Variants in HCK observed in about 807,000 individuals in gnomAD.
The protein encoded by HCK is HCK proto-oncogene, Src family tyrosine kinase, also known as tyrosine-protein kinase HCK.
Under a neutral mutation model 70.4 loss-of-function variants are expected in HCK, and 40 were observed. That is an observed-to-expected ratio of 0.57 (90% CI 0.44 to 0.74). HCK has a LOEUF of 0.74. HCK is among the 30% of genes least tolerant of loss of function. HCK has a pLI of 0.00. For synonymous variants in HCK, 245 were observed against 263.2 expected (o/e 0.93, Z 0.67); for missense variants, 568 against 697.2 (o/e 0.81, Z 2.09).
intron 6 of HCK, among the ~76,000 whole-genome samples, chr20:32,082,308 T>G (rs1279571035): frequency 1.3e-5 from 2 of 152,176 alleles, no homozygotes; most frequent in East Asian, 3.8e-4. Context: ...CAGAGTGCTT[T>G]GAACTTGCCT....
In HCK at chr20:32,093,884, A is replaced by G. The variant is rs2045898395; in HGVS notation, c.1114A>G (p.Ile372Val). 2.5e-6 allele frequency: 4 copies of G among 1,613,398 alleles called. No individual in the cohort carries two copies. The highest frequency in any genetic ancestry group is 3.4e-6 in the Non-Finnish European group (4 of 1,179,718). ...GCAGATTGCAGAAGGCATGGCCTTC[A>G]TCGAGCAGAGGAACTACATCCACCG... The change falls in exon 11 of 13, where the codon ATC (isoleucine) becomes GTC (valine). Residue 372 changes from isoleucine to valine, a missense_variant. Coordinates refer to ENST00000375852, the MANE Select transcript of HCK (RefSeq NM_002110.5).
chr20:32,066,405 G>A (rs1003869761), intron 1 of HCK, among the ~76,000 whole-genome samples: 2 of 141,154 alleles, frequency 1.4e-5, no homozygotes, highest in South Asian at 2.2e-4. Flanking sequence ...TCTGCTTCCC[G>A]GGTTCAAGCG....
At chr20:32,073,186 CCGT>C (rs1356103654) in intron 2 of HCK, 130 bp from the exon 3 acceptor site, 4 of 713,610 alleles carry the variant, frequency 5.6e-6, no homozygotes, top group Admixed American at 2.7e-5. Context: ...ATGTCCCCTG[CCGT>C]ATGTGGGCCT....
At chr20:32,063,992 C>CTTTTT in intron 1 of HCK, among the ~76,000 whole-genome samples, 1 of 54,238 alleles carries the variant, frequency 1.8e-5, no homozygotes, top group Admixed American at 3.2e-4. Context: ...ATCTCTACTT[C>CTTTTT]TTTTTTTTTT....
At chr20:32,086,298 C>A (rs1412735799) in intron 8 of HCK, among the ~76,000 whole-genome samples, 1 of 152,222 alleles carries the variant, frequency 6.6e-6, no homozygotes, top group Non-Finnish European at 1.5e-5. Flanking sequence ...AGATTACAGG[C>A]GTGAGCCACT....
chr20:32,095,002 T>G (rs1478674112), intron 11 of HCK, among the ~76,000 whole-genome samples: 2 of 152,116 alleles, frequency 1.3e-5, no homozygotes, highest in Non-Finnish European at 2.9e-5. Flanking sequence ...ACAAAACATG[T>G]AATTGGACAT....
At chr20:32,098,907 G>A in intron 11 of HCK, 97 bp from the exon 12 acceptor site, 1 of 1,373,744 alleles carries the variant, frequency 7.3e-7, no homozygotes, top group Non-Finnish European at 1.0e-6. Context: ...AGGGGCAGAT[G>A]TTGGCAGCTC....
At position 32,101,623 on chromosome 20, in the gene HCK, C is replaced by G; in HGVS notation, c.*104C>G. ...CACCCCCTTCCTACTCCCAGACACCCACCCTCGCTTCAGCCACAGTTTCCT... is the reference window on the plus strand; with the variant it reads ...CACCCCCTTCCTACTCCCAGACACCGACCCTCGCTTCAGCCACAGTTTCCT... On this transcript the variant is annotated 3_prime_UTR_variant, in exon 13 of 13. Transcript: ENST00000375852. 3.3e-6 allele frequency: 3 copies of G among 905,394 alleles called. No individual in the cohort carries two copies. The highest frequency in any genetic ancestry group is 5.0e-6 in the Non-Finnish European group (3 of 594,884). 56.1% of individuals were successfully genotyped at this position (905,394 alleles called of 1,614,324 possible). A position where few individuals can be genotyped will look rare whatever the true frequency, so the allele number is the denominator to read the frequency against.
At chr20:32,087,362 G>A (rs1406005656) in intron 9 of HCK, among the ~76,000 whole-genome samples, 1 of 152,174 alleles carries the variant, frequency 6.6e-6, no homozygotes, top group East Asian at 1.9e-4. Context: ...GGAGTGCAGA[G>A]GTGCAATCAT....
intron 1 of HCK, among the ~76,000 whole-genome samples, chr20:32,054,880 C>T (rs1490606522): frequency 6.6e-6 from 1 of 152,160 alleles, no homozygotes; most frequent in Non-Finnish European, 1.5e-5. Context: ...AGCAGAGGAG[C>T]ATATTTGCCC....
chr20:32,076,158 A>G (rs2045621881), intron 5 of HCK, among the ~76,000 whole-genome samples: 1 of 152,074 alleles, frequency 6.6e-6, no homozygotes, highest in African/African-American at 2.4e-5. Context: ...CCCCATCTCT[A>G]CTAAAAATAC....
chr20:32,068,797 A>G (rs2045497128), intron 1 of HCK, among the ~76,000 whole-genome samples: 1 of 151,086 alleles, frequency 6.6e-6, no homozygotes, highest in African/African-American at 2.4e-5. Flanking sequence ...TTAAAAGATT[A>G]GCCAGGCATG....
At chr20:32,054,126 T>C in intron 1 of HCK, 1 of 429,078 alleles carries the variant, frequency 2.3e-6, no homozygotes, top group East Asian at 7.2e-5. Flanking sequence ...TGTTTTGAGA[T>C]TTTAAAAAAT....
intron 5 of HCK, among the ~76,000 whole-genome samples, chr20:32,076,490 C>T (rs2045628114): frequency 6.6e-6 from 1 of 152,184 alleles, no homozygotes; most frequent in Non-Finnish European, 1.5e-5. Flanking sequence ...TCATGTAGTC[C>T]TTGCAGCAAC....
intron 9 of HCK, 50 bp downstream of exon 9, chr20:32,086,857 T>C (rs1259333460): frequency 8.1e-6 from 12 of 1,478,016 alleles, no homozygotes; most frequent in Non-Finnish European, 1.1e-5. Flanking sequence ...TACTGGTCAA[T>C]TGCGGGCCCA....
chr20:32,052,731 C>A (rs1210023251), intron 1 of HCK, among the ~76,000 whole-genome samples: 2 of 148,702 alleles, frequency 1.3e-5, no homozygotes, highest in African/African-American at 5.0e-5. Flanking sequence ...CGCTCGGGCC[C>A]GTGCAGTGAC....
intron 1 of HCK, among the ~76,000 whole-genome samples, chr20:32,069,908 T>C (rs191099530): frequency 1.3e-5 from 2 of 152,320 alleles, no homozygotes; most frequent in Admixed American, 6.5e-5. Flanking sequence ...AAAATGGCAA[T>C]TGTGCAGAGA....
intron 1 of HCK, among the ~76,000 whole-genome samples, chr20:32,067,531 C>CT (rs11482239): frequency 0.76 from 83,998 of 110,360 alleles, 34,836 homozygotes; most frequent in East Asian, 0.92. Context: ...GATGCTTTTA[C>CT]TTTTTTTTTT....
chr20:32,086,904 C>A, intron 9 of HCK, 97 bp downstream of exon 9: 1 of 1,124,548 alleles, frequency 8.9e-7, no homozygotes, highest in Non-Finnish European at 1.2e-6. Context: ...CTTGAGATGG[C>A]CCCAATCTGG....
Sources: allele counts gnomAD v4.1 joint callset (sites outside exome capture counted in the v4.1 genomes callset), GRCh38; gene constraint gnomAD v4.1.1; transcripts MANE v1.5; gene names NCBI Gene and HGNC (gene_info 2026-07-23, HGNC 2026-07-21).